STPG2: variants seen among roughly 807,000 people sequenced by gnomAD.
STPG2 encodes sperm tail PG-rich repeat containing 2, also known as sperm-tail PG-rich repeat-containing protein 2.
STPG2 carries 56 observed loss-of-function variants against 54.2 expected under a neutral mutation model. The ratio of observed to expected loss-of-function variants is 1.03; its 90% CI spans 0.83 to 1.29. STPG2 has a LOEUF of 1.29. STPG2 is among the 50% of genes most tolerant of loss of function. The pLI is 0.00. For synonymous variants in STPG2, 200 were observed against 181.8 expected, an observed-to-expected ratio of 1.10 and a Z score of -0.81; for missense variants, 596 against 544.9, an observed-to-expected ratio of 1.09 and a Z score of -0.93.
At chr4:97,896,968 G>A (rs1393512106) in intron 8 of STPG2, among the ~76,000 whole-genome samples, 1 of 151,832 alleles carries the variant, frequency 6.6e-6, no homozygotes, top group Non-Finnish European at 1.5e-5. Context: ...GTAAAGCTGT[G>A]TCATGAGGGT....
intron 5 of STPG2, among the ~76,000 whole-genome samples, chr4:98,100,252 T>C (rs1738986857): frequency 6.6e-6 from 1 of 152,190 alleles, no homozygotes; most frequent in Non-Finnish European, 1.5e-5. Context: ...TAAACATAGG[T>C]ACCTCACTTC....
intron 10 of STPG2, among the ~76,000 whole-genome samples, chr4:97,587,697 G>T (rs1395068201): frequency 6.6e-6 from 1 of 151,802 alleles, no homozygotes; most frequent in Non-Finnish European, 1.5e-5. Context: ...TTAAATTTCT[G>T]TTTCATATTT....
chr4:98,028,277 T>G (rs916568525), intron 5 of STPG2, among the ~76,000 whole-genome samples: 1 of 152,226 alleles, frequency 6.6e-6, no homozygotes, highest in African/African-American at 2.4e-5. Context: ...TGGTTTCTTT[T>G]GGCTTAACAG....
intron 4 of STPG2, among the ~76,000 whole-genome samples, chr4:97,478,194 A>G (rs975557564): frequency 1.1e-4 from 16 of 152,318 alleles, no homozygotes; most frequent in Non-Finnish European, 2.2e-4. Flanking sequence ...TGATACACAA[A>G]GCAGAGTAAA....
chr4:97,626,482 C>T (rs958475399), intron 10 of STPG2, among the ~76,000 whole-genome samples: 6 of 152,120 alleles, frequency 3.9e-5, no homozygotes, highest in Non-Finnish European at 8.8e-5. Flanking sequence ...CCCCTTTGTA[C>T]ACACATCTGC....
intron 8 of STPG2, among the ~76,000 whole-genome samples, chr4:97,860,546 A>G (rs928867571): frequency 6.7e-6 from 1 of 148,984 alleles, no homozygotes. Flanking sequence ...ACTGTTGTAA[A>G]AGGGATTGAG....
At chr4:97,550,437 G>A (rs1731939185) in intron 4 of STPG2, among the ~76,000 whole-genome samples, 1 of 152,110 alleles carries the variant, frequency 6.6e-6, no homozygotes, top group Non-Finnish European at 1.5e-5. Context: ...AGTGGCATGT[G>A]TGGAGTGAAA....
intron 9 of STPG2, among the ~76,000 whole-genome samples, chr4:97,769,673 AAG>A (rs888969544): frequency 4.6e-5 from 7 of 152,096 alleles, no homozygotes; most frequent in African/African-American, 7.2e-5. Flanking sequence ...TAGAAAACAC[AAG>A]AGTTTCTCAT....
intron 4 of STPG2, among the ~76,000 whole-genome samples, chr4:97,503,473 T>A (rs1468279897): frequency 2.0e-5 from 3 of 151,896 alleles, no homozygotes; most frequent in Non-Finnish European, 4.4e-5. Flanking sequence ...GCAGCCAATA[T>A]TCTAGTGTAT....
At chr4:97,501,756 C>G (rs1000921307) in intron 4 of STPG2, among the ~76,000 whole-genome samples, 2 of 150,824 alleles carry the variant, frequency 1.3e-5, no homozygotes, top group African/African-American at 4.9e-5. Flanking sequence ...AAAGAACTAC[C>G]TGCATGAAAC....
intron 9 of STPG2, among the ~76,000 whole-genome samples, chr4:97,782,887 T>G (rs935147104): frequency 2.0e-5 from 3 of 152,138 alleles, no homozygotes; most frequent in Non-Finnish European, 4.4e-5. Context: ...ATGTAGAAAG[T>G]TGAAACTGGA....
chr4:97,711,948 C>T (rs1333514956), intron 10 of STPG2, among the ~76,000 whole-genome samples: 1 of 152,000 alleles, frequency 6.6e-6, no homozygotes, highest in Non-Finnish European at 1.5e-5. Context: ...GGATTACAGG[C>T]ATGAGACACT....
intron 5 of STPG2, among the ~76,000 whole-genome samples, chr4:98,072,069 A>C (rs1738021234): frequency 6.6e-6 from 1 of 152,176 alleles, no homozygotes; most frequent in Admixed American, 6.5e-5. Flanking sequence ...TACATACCCA[A>C]AGGAATGTAA....
intron 4 of STPG2, among the ~76,000 whole-genome samples, chr4:97,492,946 C>T (rs1276716119): frequency 6.7e-6 from 1 of 148,632 alleles, no homozygotes; most frequent in African/African-American, 2.5e-5. Context: ...TCTGCTTTTC[C>T]CTTTGAATCT....
intron 10 of STPG2, among the ~76,000 whole-genome samples, chr4:97,637,072 A>G (rs1363128797): frequency 6.6e-6 from 1 of 152,270 alleles, no homozygotes; most frequent in Non-Finnish European, 1.5e-5. Context: ...TCCTTGATGA[A>G]CATTGATGCA....
intron 8 of STPG2, among the ~76,000 whole-genome samples, chr4:97,856,261 A>C (rs1188364600): frequency 6.6e-6 from 1 of 152,202 alleles, no homozygotes; most frequent in Non-Finnish European, 1.5e-5. Flanking sequence ...TTTGGGCAGA[A>C]TGGCTATTTT....
intron 4 of STPG2, among the ~76,000 whole-genome samples, chr4:97,464,011 C>G (rs1016830927): frequency 1.3e-5 from 2 of 152,086 alleles, no homozygotes; most frequent in African/African-American, 4.8e-5. Flanking sequence ...TTCCATTCAC[C>G]TACTGAACAA....
intron 4 of STPG2, among the ~76,000 whole-genome samples, chr4:97,518,775 CAAA>C (rs1731125452): frequency 1.3e-5 from 2 of 152,134 alleles, no homozygotes; most frequent in Non-Finnish European, 2.9e-5. Flanking sequence ...TTACTTCTGT[CAAA>C]AATAATAAAT....
intron 4 of STPG2, among the ~76,000 whole-genome samples, chr4:97,473,295 G>A (rs1474462413): frequency 6.6e-6 from 1 of 152,166 alleles, no homozygotes; most frequent in African/African-American, 2.4e-5. Flanking sequence ...AAGCAAATGG[G>A]AGAAATATCG....
Sources: gnomAD v4.1 joint callset for allele counts (sites outside exome capture counted in the v4.1 genomes callset) on GRCh38, gnomAD v4.1.1 for gene constraint, MANE v1.5 for transcripts, NCBI Gene and HGNC (gene_info 2026-07-23, HGNC 2026-07-21) for gene names.